DCAF1: variants seen among roughly 807,000 people sequenced by gnomAD.
DCAF1 encodes the protein DDB1- and CUL4-associated factor 1.
DCAF1 carries 15 observed loss-of-function variants against 128.0 expected under a neutral mutation model. The observed-to-expected ratio is 0.12, with a 90% confidence interval of 0.08 to 0.18. The LOEUF (loss-of-function observed/expected upper bound fraction) is 0.18. Among genes scored for constraint, DCAF1 ranks in the 10% least tolerant of loss-of-function variants. The pLI, the probability that DCAF1 is intolerant of heterozygous loss-of-function variation, is 1.00. For missense variants in DCAF1, 988 were observed against 1,649.5 expected, an observed-to-expected ratio of 0.60 and a Z score of 6.95; for synonymous variants, 610 against 603.0, an observed-to-expected ratio of 1.01 and a Z score of -0.17.
chr3:51,402,342 TTC>T (rs1252237021), intron 24 of DCAF1, among the ~76,000 whole-genome samples: 3 of 152,138 alleles, frequency 2.0e-5, no homozygotes, highest in Admixed American at 6.6e-5. Flanking sequence ...TTCTGACTGA[TTC>T]TAGCCATGCC....
chr3:51,458,149 G>C (rs2107965544), intron 6 of DCAF1, among the ~76,000 whole-genome samples: 1 of 152,232 alleles, frequency 6.6e-6, no homozygotes, highest in African/African-American at 2.4e-5. Context: ...ACCCATCAGT[G>C]TGCTGTATTC....
chr3:51,501,279 G>T (rs1183940688), upstream of DCAF1, among the ~76,000 whole-genome samples: 1 of 152,150 alleles, frequency 6.6e-6, no homozygotes, highest in East Asian at 1.9e-4. Flanking sequence ...TGGGAAAAAT[G>T]AGGCCCAGAG....
intron 13 of DCAF1, among the ~76,000 whole-genome samples, chr3:51,423,115 A>C (rs1396021386): frequency 6.6e-6 from 1 of 152,128 alleles, no homozygotes; most frequent in Non-Finnish European, 1.5e-5. Context: ...AAAAGAAAGT[A>C]ATCTGGAAAT....
intron 3 of DCAF1, among the ~76,000 whole-genome samples, chr3:51,472,769 ATTCTGCTGC>A (rs1704910052): frequency 6.6e-6 from 1 of 151,506 alleles, no homozygotes; most frequent in African/African-American, 2.4e-5. Context: ...GGTTCAAGCG[ATTCTGCTGC>A]CTCAGCCTCT....
At chr3:51,419,472 C>CT (rs1553631640) in intron 15 of DCAF1, among the ~76,000 whole-genome samples, 1 of 152,126 alleles carries the variant, frequency 6.6e-6, no homozygotes, top group Non-Finnish European at 1.5e-5. Context: ...TGGGAGCCTC[C>CT]TTATGGACAG....
At chr3:51,414,127 T>C in intron 19 of DCAF1, 84 bp from the exon 20 acceptor site, 1 of 1,450,148 alleles carries the variant, frequency 6.9e-7, no homozygotes, top group Non-Finnish European at 9.1e-7. Context: ...ATCACTTTTT[T>C]TCCTCCTGCC....
intron 19 of DCAF1, 33 bp from the exon 20 acceptor site, chr3:51,414,076 A>G: frequency 6.4e-7 from 1 of 1,551,282 alleles, no homozygotes; most frequent in Non-Finnish European, 8.7e-7. Context: ...AAACTATTTT[A>G]CACAAAACTT....
intron 5 of DCAF1, among the ~76,000 whole-genome samples, chr3:51,465,775 T>C (rs1326297347): frequency 6.6e-6 from 1 of 152,114 alleles, no homozygotes; most frequent in Admixed American, 6.6e-5. Flanking sequence ...AAATAAATGA[T>C]AATACTAGCT....
chr3:51,459,947 A>G (rs1321152779), intron 6 of DCAF1, among the ~76,000 whole-genome samples: 1 of 152,190 alleles, frequency 6.6e-6, no homozygotes, highest in Non-Finnish European at 1.5e-5. Context: ...CACAGCCAAT[A>G]TCATACTGAA....
At chr3:51,497,318 G>A (rs782151554) in intron 1 of DCAF1, among the ~76,000 whole-genome samples, 11 of 151,378 alleles carry the variant, frequency 7.3e-5, no homozygotes, top group Middle Eastern at 3.5e-3. Flanking sequence ...AGGCGGGCAC[G>A]GTGGCTCACG....
intron 2 of DCAF1, among the ~76,000 whole-genome samples, chr3:51,485,020 A>ACCTCTGCCTCCCGGG (rs1413836684): frequency 9.9e-5 from 15 of 152,018 alleles, no homozygotes; most frequent in Non-Finnish European, 1.6e-4. Flanking sequence ...GGTTCAAGCA[A>ACCTCTGCCTCCCGGG]TTCTCCTGCC....
intron 2 of DCAF1, among the ~76,000 whole-genome samples, chr3:51,494,325 A>T (rs1251738837): frequency 6.6e-6 from 1 of 151,964 alleles, no homozygotes; most frequent in Non-Finnish European, 1.5e-5. Flanking sequence ...CGTGTTACCC[A>T]GGATGGTCTC....
intron 23 of DCAF1, among the ~76,000 whole-genome samples, chr3:51,411,068 G>A (rs1553628305): frequency 6.6e-6 from 1 of 151,940 alleles, no homozygotes. Context: ...GGCTGAGGCA[G>A]GAGAATTGCT....
At chr3:51,440,259 G>A in intron 9 of DCAF1, 4 of 421,582 alleles carry the variant, frequency 9.5e-6, no homozygotes, top group South Asian at 7.0e-5. Flanking sequence ...GAAATAACTT[G>A]AGCAATAAAA....
At chr3:51,473,151 C>T (rs1704965255) in intron 3 of DCAF1, among the ~76,000 whole-genome samples, 1 of 150,672 alleles carries the variant, frequency 6.6e-6, no homozygotes, top group Non-Finnish European at 1.5e-5. Context: ...TGCCACATGC[C>T]TGTAATCCCA....
intron 23 of DCAF1, among the ~76,000 whole-genome samples, chr3:51,409,817 G>C (rs1698238274): frequency 6.6e-6 from 1 of 152,156 alleles, no homozygotes; most frequent in South Asian, 2.1e-4. Context: ...GCAGTATTAA[G>C]AAACCCACTC....
chr3:51,400,409 C>T (rs1420867679), intron 24 of DCAF1, among the ~76,000 whole-genome samples: 1 of 152,178 alleles, frequency 6.6e-6, no homozygotes, highest in Non-Finnish European at 1.5e-5. Context: ...CAATGCCAGA[C>T]CCACCGGCCT....
chr3:51,435,430 A>G (rs1700720814), intron 9 of DCAF1, among the ~76,000 whole-genome samples: 1 of 152,140 alleles, frequency 6.6e-6, no homozygotes, highest in South Asian at 2.1e-4. Flanking sequence ...ATTACATCTG[A>G]CCTCCTCCAA....
intron 6 of DCAF1, among the ~76,000 whole-genome samples, chr3:51,454,704 C>T (rs979326832): frequency 2.0e-5 from 3 of 151,662 alleles, no homozygotes; most frequent in Non-Finnish European, 2.9e-5. Flanking sequence ...GACGGAGTCT[C>T]GCTCTGTCGC....
Sources: allele counts gnomAD v4.1 joint callset (sites outside exome capture counted in the v4.1 genomes callset), GRCh38; gene constraint gnomAD v4.1.1; transcripts MANE v1.5; gene names NCBI Gene and HGNC (gene_info 2026-07-23, HGNC 2026-07-21).